Variants in PDGFRA observed in about 807,000 individuals in gnomAD.
PDGFRA encodes the protein platelet derived growth factor receptor alpha.
A neutral mutation model predicts 121.5 loss-of-function variants in PDGFRA; 25 were observed. That is an observed-to-expected ratio of 0.21 (90% CI 0.15 to 0.29). PDGFRA has a LOEUF of 0.29. Among genes scored for constraint, PDGFRA ranks in the 10% least tolerant of loss-of-function variants. PDGFRA has a pLI of 1.00. For missense variants in PDGFRA, 1,008 were observed against 1,345.1 expected, an observed-to-expected ratio of 0.75 and a Z score of 3.92; for synonymous variants, 463 against 494.8, an observed-to-expected ratio of 0.94 and a Z score of 0.85.
chr4:54,292,893 G>A (rs998032448), intron 22 of PDGFRA, among the ~76,000 whole-genome samples: 4 of 152,094 alleles, frequency 2.6e-5, no homozygotes, highest in African/African-American at 9.7e-5. Context: ...TGCAGGGTGG[G>A]AGAAGGAAGA....
intron 1 of PDGFRA, among the ~76,000 whole-genome samples, chr4:54,241,614 A>T (rs1212033210): frequency 1.3e-5 from 2 of 151,820 alleles, no homozygotes; most frequent in South Asian, 2.1e-4. Flanking sequence ...CAATGTCATG[A>T]TCTTGGTTCA....
chr4:54,235,544 C>T (rs1720962370), intron 1 of PDGFRA, among the ~76,000 whole-genome samples: 1 of 152,248 alleles, frequency 6.6e-6, no homozygotes, highest in African/African-American at 2.4e-5. Flanking sequence ...TCATTTGTTT[C>T]TCTGTTTCTG....
chr4:54,274,591 T>A lies in PDGFRA; in HGVS notation c.1619T>A (p.Ile540Asn). 3.1e-6 allele frequency: 5 copies of A among 1,613,670 alleles called. No homozygotes were observed. The highest frequency in any genetic ancestry group is 4.2e-6 in the Non-Finnish European group (5 of 1,179,548). Residue 540 changes from isoleucine (I) to asparagine (N), a missense_variant, in exon 11 of 23, where the codon ATC becomes AAC. By Grantham distance (149) the Ile-to-Asn change is moderately radical. Around this residue, in one of 5 missense-constraint regions of PDGFRA, gnomAD observed 575 missense variants for 701.8 expected, o/e 0.82. Coordinates refer to ENST00000257290, the MANE Select transcript of PDGFRA (RefSeq NM_006206.6). Reference sequence around the variant, plus strand: ...CTGGTGCTGTTGGTGATTGTGATCATCTCACTTATTGTCCTGGTTGTCATT... The same window carrying A: ...CTGGTGCTGTTGGTGATTGTGATCAACTCACTTATTGTCCTGGTTGTCATT... The part of the protein sequence containing the change: ...AVLVLLVIVI[I>N]SLIVLVVIWK...
intron 16 of PDGFRA, among the ~76,000 whole-genome samples, chr4:54,285,147 C>T (rs562494584): frequency 7.6e-4 from 116 of 152,178 alleles, no homozygotes; most frequent in African/African-American, 1.3e-3. Context: ...CCACCCACCT[C>T]GGCCTCCCAA....
rs551134276 is a variant in PDGFRA, at chr4:54,281,358, G to A, written c.2323+876G>A. 3.9e-5 allele frequency among the ~76,000 whole-genome samples: 6 copies of A among 152,312 alleles called. No homozygotes were observed. In the East Asian group the frequency reaches 9.6e-4, roughly 24 times the overall value. On this transcript the variant is annotated intron_variant, in intron 16 of 22. Transcript: ENST00000257290. Reference sequence around the variant, plus strand: ...ATTGATGTGCTCTGAATGTTTTCAGGTTCTTAAGTGAAAGGTACAATCCAT... The same window carrying A: ...ATTGATGTGCTCTGAATGTTTTCAGATTCTTAAGTGAAAGGTACAATCCAT...
At chr4:54,259,041 T>G (rs1722536962) in intron 2 of PDGFRA, among the ~76,000 whole-genome samples, 1 of 152,252 alleles carries the variant, frequency 6.6e-6, no homozygotes, top group Non-Finnish European at 1.5e-5. Flanking sequence ...GCAGTTTTAG[T>G]ACATATATAA....
In PDGFRA at chr4:54,296,662, CAG is replaced by C. The variant is rs1199154121; in HGVS notation, c.*1393_*1394del. The C allele has an allele frequency of 8.6e-6, 2 of 232,592 alleles. No individual in the cohort carries two copies. Among genetic ancestry groups the C allele is most frequent in the African/African-American group, 2.2e-5 (1 of 45,276 alleles). The allele number at this position is 232,592 out of a possible 1,614,324, so 14.4% of individuals were successfully genotyped here. A position where few individuals can be genotyped will look rare whatever the true frequency, so the allele number is the denominator to read the frequency against. The stretch of plus-strand genomic sequence containing the variant: ...CTGAAGTATGAAGTCTGAGGGAAAC[CAG>C]AGTCTGTATTTTTCTAAACTCCCTG... On this transcript the variant is annotated 3_prime_UTR_variant, in exon 23 of 23. Transcript: ENST00000257290.
chr4:54,296,298 A>C lies in PDGFRA; in HGVS notation c.*1026A>C. 4.3e-6 allele frequency: 1 copy of C among 232,978 alleles called. No individual in the cohort carries two copies. Among genetic ancestry groups the C allele is most frequent in the East Asian group, 6.1e-5 (1 of 16,500 alleles). 14.4% of individuals were successfully genotyped at this position (232,978 alleles called of 1,614,324 possible). A position where few individuals can be genotyped will look rare whatever the true frequency, so the allele number is the denominator to read the frequency against. On this transcript the variant is annotated 3_prime_UTR_variant, in exon 23 of 23. Coordinates refer to ENST00000257290, the MANE Select transcript of PDGFRA (RefSeq NM_006206.6). ...AATGTAGAGGCATAAACCTGTGCTG[A>C]ACATAACTTCTCATGTATATTACCC...
intron 10 of PDGFRA, 66 bp from the exon 11 acceptor site, chr4:54,274,465 A>T (rs2110295514): frequency 8.9e-7 from 1 of 1,127,622 alleles, no homozygotes; most frequent in Middle Eastern, 2.0e-4. Flanking sequence ...CAGCCACACT[A>T]CCTTGCTGCC....
intron 1 of PDGFRA, among the ~76,000 whole-genome samples, chr4:54,238,778 C>A (rs946543034): frequency 6.6e-6 from 1 of 152,084 alleles, no homozygotes; most frequent in African/African-American, 2.4e-5. Context: ...TGAGCCTGGA[C>A]AACATAGTGA....
At chr4:54,270,333 A>C (rs1723272560) in intron 7 of PDGFRA, among the ~76,000 whole-genome samples, 2 of 152,098 alleles carry the variant, frequency 1.3e-5, no homozygotes, top group Admixed American at 1.3e-4. Flanking sequence ...TTTAAAGAAA[A>C]GTTGGTAGGC....
chr4:54,256,367 C>A (rs1722371454), intron 1 of PDGFRA, among the ~76,000 whole-genome samples: 1 of 151,924 alleles, frequency 6.6e-6, no homozygotes, highest in Non-Finnish European at 1.5e-5. Context: ...TCCTGAGTAG[C>A]TGGAATTAGA....
intron 1 of PDGFRA, among the ~76,000 whole-genome samples, chr4:54,234,689 G>T (rs1327126105): frequency 2.6e-5 from 4 of 152,072 alleles, no homozygotes; most frequent in Non-Finnish European, 2.9e-5. Context: ...ATCAGAGCTG[G>T]CCTGTGAGGA....
chr4:54,238,059 C>T (rs1358803913), intron 1 of PDGFRA, among the ~76,000 whole-genome samples: 1 of 152,252 alleles, frequency 6.6e-6, no homozygotes, highest in Non-Finnish European at 1.5e-5. Flanking sequence ...TCTTCACAAA[C>T]ACAGCATGCA....
rs752010861 is a variant in PDGFRA at position 54,289,101 on chromosome 4, G to A, written c.2867G>A (p.Gly956Glu). The A allele has an allele frequency of 6.3e-7, 1 of 1,587,036 alleles. No homozygotes were observed. The highest frequency in any genetic ancestry group is 2.2e-5 in the East Asian group (1 of 44,760). Residue 956 changes from glycine to glutamate, a missense_variant, in exon 21 of 23, where the codon GGA (glycine) becomes GAA (glutamate). This residue lies in a region of PDGFRA where 204 missense variants were observed against 243.0 expected (regional missense o/e 0.84). Coordinates refer to ENST00000257290, the MANE Select transcript of PDGFRA (RefSeq NM_006206.6). ...GAGATTGTGGAGAATCTGCTGCCTG[G>A]ACAATATAAAAAGGTGTGTTTGGAT... Reference protein sequence around the residue: ...LSEIVENLLPGQYKKSYEKIH... With the variant: ...LSEIVENLLPEQYKKSYEKIH...
At chr4:54,248,210 A>C (rs575165497) in intron 1 of PDGFRA, among the ~76,000 whole-genome samples, 1 of 152,342 alleles carries the variant, frequency 6.6e-6, no homozygotes, top group South Asian at 2.1e-4. Context: ...AATTGGAAAA[A>C]ACTACTTTAA....
rs929041611 is a variant in PDGFRA, at chr4:54,279,571, A to G, written c.2157-745A>G. ...CTATTTAAAAAATTTTTTTATTTCC[A>G]TAGGTTTTTGGGGAACAAGTGGTAT... On this transcript the variant is annotated intron_variant, in intron 15 of 22. Transcript: ENST00000257290. 2.7e-4 allele frequency among the ~76,000 whole-genome samples: 41 copies of G among 151,090 alleles called. 1 individual carries two copies. The highest frequency in any genetic ancestry group is 2.3e-3 in the Admixed American group (35 of 15,190).
At chr4:54,232,160 G>A (rs1311975736) in intron 1 of PDGFRA, among the ~76,000 whole-genome samples, 1 of 152,220 alleles carries the variant, frequency 6.6e-6, no homozygotes, top group African/African-American at 2.4e-5. Flanking sequence ...AAGCCGGATC[G>A]GTGACCGAAA....
intron 1 of PDGFRA, among the ~76,000 whole-genome samples, chr4:54,237,985 G>A (rs1007190563): frequency 1.4e-4 from 21 of 152,198 alleles, no homozygotes; most frequent in Admixed American, 1.2e-3. Context: ...TGGGTCATTT[G>A]CAAAACCTCT....
Sources: gnomAD v4.1 joint callset for allele counts (sites outside exome capture counted in the v4.1 genomes callset) on GRCh38, gnomAD v4.1.1 for gene constraint, gnomAD v4.1.1 regional missense constraint, MANE v1.5 for transcripts, NCBI Gene and HGNC (gene_info 2026-07-23, HGNC 2026-07-21) for gene names.